The following RNF220 variants were observed in gnomAD, a reference collection of about 807,000 sequenced individuals.
RNF220 encodes ring finger protein 220, also known as E3 ubiquitin-protein ligase RNF220.
In RNF220, 7 loss-of-function variants were observed where a neutral mutation model predicts 67.1. The observed-to-expected ratio is 0.10, with a 90% CI of 0.06 to 0.20. The LOEUF is 0.20. Ranked by LOEUF, RNF220 falls within the 10% of genes least tolerant of loss-of-function variation. RNF220 has a pLI of 1.00. For missense variants in RNF220, 565 were observed against 740.3 expected (o/e 0.76, Z 2.75); for synonymous variants, 270 against 283.2 (o/e 0.95, Z 0.47).
chr1:44,617,909 G>T (rs1044225765), intron 3 of RNF220, among the ~76,000 whole-genome samples: 2 of 148,658 alleles, frequency 1.3e-5, no homozygotes, highest in Admixed American at 1.4e-4. Context: ...TCTTTCCCCT[G>T]CTGACTCCTC....
chr1:44,460,586 G>A (rs1178620806), intron 2 of RNF220, among the ~76,000 whole-genome samples: 1 of 152,212 alleles, frequency 6.6e-6, no homozygotes, highest in African/African-American at 2.4e-5. Flanking sequence ...AGGGTTCATT[G>A]AGGGTTCTCA....
chr1:44,523,282 T>C (rs1309758747), intron 2 of RNF220, among the ~76,000 whole-genome samples: 8 of 152,148 alleles, frequency 5.3e-5, no homozygotes, highest in African/African-American at 1.9e-4. Context: ...GGCCCTGTAA[T>C]GGCCATTCCA....
At chr1:44,492,923 T>TC (rs1656982531) in intron 2 of RNF220, among the ~76,000 whole-genome samples, 1 of 147,600 alleles carries the variant, frequency 6.8e-6, no homozygotes, top group African/African-American at 2.5e-5. Context: ...AAATCTGAAT[T>TC]TTTTTTTTTT....
At chr1:44,623,258 G>A (rs1316665533) in intron 4 of RNF220, among the ~76,000 whole-genome samples, 1 of 152,186 alleles carries the variant, frequency 6.6e-6, no homozygotes, top group South Asian at 2.1e-4. Context: ...GTCCTGAGGG[G>A]AACAAGGAGC....
rs111592524 is a variant in RNF220, at chr1:44,645,926, A to C, written c.1445+438A>C. On this transcript the variant is annotated intron_variant, in intron 12 of 14. Coordinates refer to ENST00000361799, the MANE Select transcript of RNF220 (RefSeq NM_018150.4). This position sits in a 1 kb window ranked among gnomAD's most constrained non-coding sequence, Gnocchi z 5.0. Reference sequence around the variant, plus strand: ...TTGGGTATCATCACTTCTGGTAGGAATTTTTGGCCTGGGTTCTCTGGCAGA... The same window carrying C: ...TTGGGTATCATCACTTCTGGTAGGACTTTTTGGCCTGGGTTCTCTGGCAGA... Among the ~76,000 whole-genome samples, 65 of 152,302 alleles carry C rather than the reference A, an allele frequency of 4.3e-4. No homozygotes were observed. Among genetic ancestry groups the C allele is most frequent in the African/African-American group, 1.3e-3 (56 of 41,588 alleles).
intron 2 of RNF220, among the ~76,000 whole-genome samples, chr1:44,546,661 CAG>C (rs1662180999): frequency 6.6e-6 from 1 of 152,182 alleles, no homozygotes; most frequent in South Asian, 2.1e-4. Context: ...GTGCTTGCTT[CAG>C]AGTCATTGAT....
In RNF220 at chr1:44,649,988, GGCCGCTCCGGGCACT is replaced by G. The variant is rs1644747285; in HGVS notation, c.1629+35_1629+49del. 6.2e-7 allele frequency: 1 copy of G among 1,604,940 alleles called. No homozygotes were observed. Among genetic ancestry groups the G allele is most frequent in the African/African-American group, 1.3e-5 (1 of 74,816 alleles). The stretch of plus-strand genomic sequence containing the variant: ...GTGGCATGGGGGTCGGGGAATGGGA[GGCCGCTCCGGGCACT>G]GCCCAGATGTCTGTGCTTATGCCTG... On this transcript the variant is annotated intron_variant, in intron 14 of 14. Coordinates refer to ENST00000361799, the MANE Select transcript of RNF220 (RefSeq NM_018150.4). The surrounding 1 kb of genome is among the most constrained non-coding windows in gnomAD (Gnocchi z 5.9).
chr1:44,528,323 C>T (rs545285915), intron 2 of RNF220, among the ~76,000 whole-genome samples: 6 of 148,424 alleles, frequency 4.0e-5, no homozygotes, highest in South Asian at 2.1e-4. Context: ...TTTTTTGAGA[C>T]GGAGTCTCAC....
At chr1:44,456,289 A>G (rs1653169554) in intron 2 of RNF220, among the ~76,000 whole-genome samples, 1 of 152,198 alleles carries the variant, frequency 6.6e-6, no homozygotes, top group African/African-American at 2.4e-5. Context: ...AGAAGAAGGA[A>G]AAAATGGTAG....
intron 3 of RNF220, among the ~76,000 whole-genome samples, chr1:44,616,791 G>GT (rs916642485): frequency 6.6e-6 from 1 of 152,170 alleles, no homozygotes; most frequent in African/African-American, 2.4e-5. Context: ...TGTAAAAGCA[G>GT]TGTGCCCCCT....
At chr1:44,559,101 A>G (rs980550309) in intron 2 of RNF220, among the ~76,000 whole-genome samples, 1 of 152,244 alleles carries the variant, frequency 6.6e-6, no homozygotes, top group African/African-American at 2.4e-5. Flanking sequence ...GTAAGTGCTC[A>G]TTAAACTTGC....
At chr1:44,406,974 G>A (rs1647400329) in intron 1 of RNF220, among the ~76,000 whole-genome samples, 1 of 152,234 alleles carries the variant, frequency 6.6e-6, no homozygotes, top group Admixed American at 6.5e-5. Context: ...AGGAGGCAGG[G>A]GGAAAGCTCT....
chr1:44,618,770 T>C (rs1643666532), intron 3 of RNF220, among the ~76,000 whole-genome samples: 1 of 150,460 alleles, frequency 6.6e-6, no homozygotes, highest in African/African-American at 2.5e-5. Context: ...AGGGAGGAGG[T>C]CGGCCAGGGT....
intron 8 of RNF220, among the ~76,000 whole-genome samples, chr1:44,641,626 C>T (rs771482184): frequency 1.2e-4 from 18 of 152,212 alleles, no homozygotes; most frequent in South Asian, 2.1e-4. Flanking sequence ...GCTTTATGGC[C>T]GTTTCTTTTT....
At chr1:44,426,726 CAAA>C (rs33975687) in intron 2 of RNF220, among the ~76,000 whole-genome samples, 4 of 112,356 alleles carry the variant, frequency 3.6e-5, no homozygotes, top group Admixed American at 9.1e-5. Flanking sequence ...GACTCTGTCT[CAAA>C]AAAAAAAAAA....
intron 2 of RNF220, among the ~76,000 whole-genome samples, chr1:44,472,419 A>T (rs1047785321): frequency 1.3e-5 from 2 of 152,110 alleles, no homozygotes; most frequent in African/African-American, 4.8e-5. Context: ...TTGGGATTTT[A>T]AAAAATAGCC....
chr1:44,505,489 C>T (rs1658333259), intron 2 of RNF220, among the ~76,000 whole-genome samples: 1 of 152,260 alleles, frequency 6.6e-6, no homozygotes, highest in African/African-American at 2.4e-5. Context: ...ACGCGTTAAC[C>T]CCTGCGGCTG....
chr1:44,558,428 TAAGAC>T (rs1663292385), intron 2 of RNF220, among the ~76,000 whole-genome samples: 1 of 152,218 alleles, frequency 6.6e-6, no homozygotes, highest in Non-Finnish European at 1.5e-5. Context: ...ATAAAATGTG[TAAGAC>T]TTTGTCTAAA....
At chr1:44,636,930 C>T (rs1466714848) in intron 8 of RNF220, among the ~76,000 whole-genome samples, 7 of 152,256 alleles carry the variant, frequency 4.6e-5, no homozygotes, top group Non-Finnish European at 7.3e-5. Flanking sequence ...ACTTGTTAAA[C>T]TCCCCAGCCT....
Sources: gnomAD v4.1 joint callset for allele counts (sites outside exome capture counted in the v4.1 genomes callset) on GRCh38, gnomAD v4.1.1 for gene constraint, Gnocchi (gnomAD v3.1) non-coding constraint, MANE v1.5 for transcripts, NCBI Gene and HGNC (gene_info 2026-07-23, HGNC 2026-07-21) for gene names.